Variants in GPHN observed in about 807,000 individuals in gnomAD.
The protein encoded by GPHN is gephyrin.
GPHN carries 17 observed loss-of-function variants against 95.5 expected under a neutral mutation model. That is an observed-to-expected ratio of 0.18 (90% confidence interval 0.12 to 0.27). The LOEUF is 0.27. Among genes scored for constraint, GPHN ranks in the 10% least tolerant of loss-of-function variants. The probability of loss-of-function intolerance (pLI) is 1.00; values close to 1 mark genes in which losing one functional copy is unlikely to be tolerated. For synonymous variants in GPHN, 320 were observed against 322.5 expected (o/e 0.99, Z 0.08); for missense variants, 660 against 978.1 (o/e 0.67, Z 4.34).
intron 10 of GPHN, among the ~76,000 whole-genome samples, chr14:67,037,952 G>A (rs756964659): frequency 3.2e-4 from 49 of 151,822 alleles, no homozygotes; most frequent in Non-Finnish European, 2.7e-4. Flanking sequence ...TCACTTCTGG[G>A]TATATATCCA....
At chr14:66,570,230 T>A (rs576519255) in intron 1 of GPHN, among the ~76,000 whole-genome samples, 1 of 152,124 alleles carries the variant, frequency 6.6e-6, no homozygotes, top group African/African-American at 2.4e-5. Flanking sequence ...ATCTTGGCTA[T>A]TGTGAATAAT....
chr14:67,393,130 G>A, the GPHN span: 2 of 1,560,114 alleles, frequency 1.3e-6, no homozygotes, highest in South Asian at 2.2e-5. Flanking sequence ...GCCCAGCCCG[G>A]CCCTGGGGGA....
At chr14:67,284,743 C>CAT in the GPHN span, among the ~76,000 whole-genome samples, 3 of 151,814 alleles carry the variant, frequency 2.0e-5, no homozygotes, top group African/African-American at 7.3e-5. Flanking sequence ...AATTACATAA[C>CAT]ATAGGCTCTT....
At chr14:67,585,863 C>A in the GPHN span, 1 of 1,388,702 alleles carries the variant, frequency 7.2e-7, no homozygotes, top group Non-Finnish European at 9.9e-7. Context: ...TTCTCCTTTC[C>A]TGTGCCTAGA....
At chr14:67,338,542 C>A in the GPHN span, 1 of 1,397,248 alleles carries the variant, frequency 7.2e-7, no homozygotes. Context: ...AAATAAATAG[C>A]CACACAAATC....
At chr14:67,590,251 T>C in the GPHN span, 1 of 278,866 alleles carries the variant, frequency 3.6e-6, no homozygotes, top group Non-Finnish European at 5.0e-6. Flanking sequence ...ACTTGCAAAT[T>C]TTTTTTTTTT....
chr14:67,548,643 G>T, the GPHN span, among the ~76,000 whole-genome samples: 1 of 152,182 alleles, frequency 6.6e-6, no homozygotes, highest in East Asian at 1.9e-4. Flanking sequence ...GTTGCGGTGA[G>T]CCAAGATTGT....
At chr14:66,916,349 A>C (rs75670637) in intron 6 of GPHN, among the ~76,000 whole-genome samples, 1,833 of 152,254 alleles carry the variant, frequency 0.012, 19 homozygotes, top group Non-Finnish European at 0.018. Context: ...AATACTACCA[A>C]ACACAGAGAG....
At chr14:66,560,348 G>A (rs1361484477) in intron 1 of GPHN, among the ~76,000 whole-genome samples, 3 of 152,210 alleles carry the variant, frequency 2.0e-5, no homozygotes, top group East Asian at 1.9e-4. Flanking sequence ...CCATTTTCAC[G>A]ATATTGATTC....
the GPHN span, chr14:67,312,512 C>A: frequency 1.3e-6 from 2 of 1,499,892 alleles, no homozygotes; most frequent in Non-Finnish European, 1.8e-6. Context: ...TGTTTTTGCC[C>A]TTTTTATCTT....
the GPHN span, among the ~76,000 whole-genome samples, chr14:67,625,952 T>C: frequency 2.0e-5 from 3 of 151,952 alleles, no homozygotes; most frequent in Admixed American, 1.3e-4. Flanking sequence ...ATTACGGAAA[T>C]GCAAATTTAA....
At chr14:67,653,821 A>G in the GPHN span, among the ~76,000 whole-genome samples, 1 of 152,252 alleles carries the variant, frequency 6.6e-6, no homozygotes, top group Non-Finnish European at 1.5e-5. Flanking sequence ...CAGTGACTGT[A>G]GAGCAACTTA....
At chr14:67,678,715 G>A in the GPHN span, among the ~76,000 whole-genome samples, 1 of 152,062 alleles carries the variant, frequency 6.6e-6, no homozygotes. Context: ...ATTAGTGCCT[G>A]CCTGACACCC....
the GPHN span, among the ~76,000 whole-genome samples, chr14:67,211,538 G>A: frequency 3.3e-5 from 5 of 152,210 alleles, no homozygotes; most frequent in African/African-American, 9.7e-5. Flanking sequence ...TCGAATGTAT[G>A]AGGAAGTTCA....
intron 10 of GPHN, among the ~76,000 whole-genome samples, chr14:67,057,407 T>TGGGG (rs144173316): frequency 3.9e-4 from 49 of 124,456 alleles, no homozygotes; most frequent in East Asian, 2.5e-3. Flanking sequence ...CATGGGCACA[T>TGGGG]GGGTGGGGGG....
intron 11 of GPHN, among the ~76,000 whole-genome samples, chr14:67,072,375 G>T (rs2076344739): frequency 6.6e-6 from 1 of 152,024 alleles, no homozygotes; most frequent in East Asian, 1.9e-4. Flanking sequence ...TAAAGGATTT[G>T]CCAGTACCAG....
chr14:66,589,111 G>T lies in GPHN; in HGVS notation c.64+80520G>T, dbSNP rs552541376. On this transcript the variant is annotated intron_variant, in intron 1 of 22. Transcript: ENST00000478722. The stretch of plus-strand genomic sequence containing the variant: ...CTGAAAAAAAAGAAGTTTCAACCCA[G>T]AATTGCATATCCAGCCAAATTAAGC... Among the ~76,000 whole-genome samples, 3 of 152,240 alleles carry T rather than the reference G, an allele frequency of 2.0e-5. No individual in the cohort carries two copies. In the South Asian group the frequency reaches 6.2e-4, roughly 32 times the overall value.
the GPHN span, chr14:67,302,629 TTAGAA>T: frequency 2.4e-6 from 3 of 1,259,982 alleles, no homozygotes; most frequent in Non-Finnish European, 3.1e-6. Flanking sequence ...TTATTAGACT[TTAGAA>T]TAAAATATTT....
At chr14:66,841,390 G>A (rs2062082091) in intron 4 of GPHN, among the ~76,000 whole-genome samples, 1 of 152,198 alleles carries the variant, frequency 6.6e-6, no homozygotes, top group South Asian at 2.1e-4. Context: ...TAACAGAGTA[G>A]AGGCATGGCA....
Sources: allele counts gnomAD v4.1 joint callset (sites outside exome capture counted in the v4.1 genomes callset), GRCh38; gene constraint gnomAD v4.1.1; transcripts MANE v1.5; gene names NCBI Gene and HGNC (gene_info 2026-07-23, HGNC 2026-07-21).